KAT2B: variants seen among roughly 807,000 people sequenced by gnomAD.
KAT2B encodes the protein histone acetyltransferase KAT2B.
A neutral mutation model predicts 105.9 loss-of-function variants in KAT2B; 36 were observed. The ratio of observed to expected loss-of-function variants is 0.34; its 90% CI spans 0.26 to 0.45. The LOEUF (loss-of-function observed/expected upper bound fraction) is 0.45. Among genes scored for constraint, KAT2B ranks in the 20% least tolerant of loss-of-function variants. The pLI, the probability that KAT2B is intolerant of heterozygous loss-of-function variation, is 1.00. For synonymous variants in KAT2B, 397 were observed against 377.9 expected (o/e 1.05, Z -0.59); for missense variants, 820 against 1,021.6 (o/e 0.80, Z 2.69).
intron 1 of KAT2B, among the ~76,000 whole-genome samples, chr3:20,069,726 A>G (rs1279292745): frequency 6.6e-6 from 1 of 151,972 alleles, no homozygotes; most frequent in Non-Finnish European, 1.5e-5. Flanking sequence ...GGGTTTCACC[A>G]TTCAAGACTG....
At chr3:20,121,069 C>T (rs1029431813) in intron 8 of KAT2B, among the ~76,000 whole-genome samples, 1 of 152,006 alleles carries the variant, frequency 6.6e-6, no homozygotes, top group Non-Finnish European at 1.5e-5. Flanking sequence ...TAGTTTTCAG[C>T]ATTACTCTTA....
intron 5 of KAT2B, among the ~76,000 whole-genome samples, chr3:20,107,539 T>C (rs957542560): frequency 1.3e-5 from 2 of 149,132 alleles, no homozygotes; most frequent in African/African-American, 2.5e-5. Flanking sequence ...GCACCTGTAA[T>C]CCCAGCTACT....
chr3:20,104,552 TAC>T (rs1698965499), intron 5 of KAT2B, among the ~76,000 whole-genome samples: 1 of 152,186 alleles, frequency 6.6e-6, no homozygotes, highest in Admixed American at 6.5e-5. Flanking sequence ...TGGGTAATAT[TAC>T]TGGCTGCAGG....
chr3:20,044,611 C>G (rs1396317917), intron 1 of KAT2B, among the ~76,000 whole-genome samples: 3 of 151,998 alleles, frequency 2.0e-5, no homozygotes, highest in Non-Finnish European at 4.4e-5. Flanking sequence ...GGGTGAGGGG[C>G]TTTGCACATG....
intron 1 of KAT2B, among the ~76,000 whole-genome samples, chr3:20,059,906 C>T (rs75824895): frequency 1.3e-5 from 2 of 152,122 alleles, no homozygotes; most frequent in African/African-American, 4.8e-5. Flanking sequence ...TCCTACCCCC[C>T]ACCCCAGATG....
chr3:20,104,362 C>A (rs1266873415), intron 5 of KAT2B, among the ~76,000 whole-genome samples: 1 of 152,256 alleles, frequency 6.6e-6, no homozygotes, highest in South Asian at 2.1e-4. Flanking sequence ...ACACCAACCT[C>A]CCCCACGTCC....
intron 3 of KAT2B, 144 bp from the exon 4 acceptor site, chr3:20,099,718 A>G (rs1698874807): frequency 1.9e-6 from 1 of 532,612 alleles, no homozygotes; most frequent in South Asian, 2.9e-5. Context: ...TAAGATAAAT[A>G]GAATATGGTA....
chr3:20,149,639 A>G (rs974300697), intron 17 of KAT2B, among the ~76,000 whole-genome samples: 3 of 152,048 alleles, frequency 2.0e-5, no homozygotes, highest in Non-Finnish European at 4.4e-5. Flanking sequence ...AATATTTTAT[A>G]TATTTGTAGT....
At chr3:20,049,609 G>C (rs1697879344) in intron 1 of KAT2B, among the ~76,000 whole-genome samples, 1 of 150,868 alleles carries the variant, frequency 6.6e-6, no homozygotes, top group Non-Finnish European at 1.5e-5. Flanking sequence ...GATTACATTT[G>C]TTTTAGGCAT....
At chr3:20,067,633 A>G (rs1037905835) in intron 1 of KAT2B, among the ~76,000 whole-genome samples, 12 of 152,266 alleles carry the variant, frequency 7.9e-5, no homozygotes, top group Non-Finnish European at 1.6e-4. Context: ...CCATAGGAAG[A>G]AAAGTTTTAG....
At chr3:20,086,374 G>A (rs1698615310) in intron 2 of KAT2B, among the ~76,000 whole-genome samples, 1 of 152,162 alleles carries the variant, frequency 6.6e-6, no homozygotes, top group Non-Finnish European at 1.5e-5. Context: ...CGAGACGGGA[G>A]GATCACTTGA....
intron 17 of KAT2B, 44 bp downstream of exon 17, chr3:20,148,531 A>G (rs1699816404): frequency 7.3e-7 from 1 of 1,378,640 alleles, no homozygotes; most frequent in Non-Finnish European, 1.0e-6. Flanking sequence ...AAAACTCTGG[A>G]TGGCGGTGTG....
chr3:20,097,373 T>G (rs1387152082), intron 3 of KAT2B, among the ~76,000 whole-genome samples: 2 of 152,144 alleles, frequency 1.3e-5, no homozygotes, highest in Admixed American at 6.6e-5. Context: ...AAAATAACAG[T>G]GCAAATATAT....
intron 8 of KAT2B, 23 bp from the exon 9 acceptor site, chr3:20,122,645 G>C: frequency 6.3e-7 from 1 of 1,599,838 alleles, no homozygotes; most frequent in Non-Finnish European, 8.6e-7. Flanking sequence ...CCCATTGTTT[G>C]CCTTTTATTT....
At chr3:20,117,527 T>C (rs530379592) in intron 7 of KAT2B, among the ~76,000 whole-genome samples, 1 of 152,350 alleles carries the variant, frequency 6.6e-6, no homozygotes, top group Non-Finnish European at 1.5e-5. Flanking sequence ...AGAAGGCCTA[T>C]ATATTGGGAG....
intron 3 of KAT2B, among the ~76,000 whole-genome samples, chr3:20,097,629 T>G (rs940174294): frequency 6.6e-6 from 1 of 152,086 alleles, no homozygotes; most frequent in African/African-American, 2.4e-5. Context: ...CTCCACCACC[T>G]GAGTTCAAGT....
At chr3:20,062,111 TTATATAAAACATA>T (rs1559514108) in intron 1 of KAT2B, among the ~76,000 whole-genome samples, 136 of 52,750 alleles carry the variant, frequency 2.6e-3, no homozygotes, top group East Asian at 0.018. Flanking sequence ...ATAATATATA[TTATATAAAACATA>T]TATATATAAA....
intron 1 of KAT2B, among the ~76,000 whole-genome samples, chr3:20,067,405 AT>A (rs1450898624): frequency 6.6e-6 from 1 of 152,086 alleles, no homozygotes; most frequent in Non-Finnish European, 1.5e-5. Context: ...TGACTCACCC[AT>A]TTATGAGCCC....
Position 20,097,750 on chromosome 3 carries a change from T to C in KAT2B, c.577-2112T>C, listed in dbSNP as rs574142026. ...TGGGGTTTCACATTGTCGGCCACGCTTGTCTTGAACTCCTAGCCTCAAGTG... is the reference window on the plus strand; with the variant it reads ...TGGGGTTTCACATTGTCGGCCACGCCTGTCTTGAACTCCTAGCCTCAAGTG... On this transcript the variant is annotated intron_variant, in intron 3 of 17. Coordinates refer to ENST00000263754, the MANE Select transcript of KAT2B (RefSeq NM_003884.5). Among the ~76,000 whole-genome samples the C allele has an allele frequency of 8.7e-4, 132 of 152,210 alleles. 2 individuals are homozygous for C. Among genetic ancestry groups the C allele is most frequent in the African/African-American group, 3.2e-3 (131 of 41,528 alleles).
Sources: allele counts gnomAD v4.1 joint callset (sites outside exome capture counted in the v4.1 genomes callset), GRCh38; gene constraint gnomAD v4.1.1; transcripts MANE v1.5; gene names NCBI Gene and HGNC (gene_info 2026-07-23, HGNC 2026-07-21).